Variants in FBRSL1 observed in about 807,000 individuals in gnomAD.
FBRSL1 encodes fibrosin-1-like protein.
FBRSL1 carries 51 observed loss-of-function variants against 89.6 expected under a neutral mutation model. That is an observed-to-expected ratio of 0.57 (90% confidence interval 0.45 to 0.72). The LOEUF (loss-of-function observed/expected upper bound fraction) is 0.72. Ranked by LOEUF, FBRSL1 falls within the 30% of genes least tolerant of loss-of-function variation. The pLI is 0.00. For missense variants in FBRSL1, 1,618 were observed against 1,451.8 expected (o/e 1.11, Z -1.86); for synonymous variants, 779 against 681.1 (o/e 1.14, Z -2.24).
intron 2 of FBRSL1, among the ~76,000 whole-genome samples, chr12:132,523,376 C>T (rs1474094955): frequency 3.3e-5 from 5 of 152,174 alleles, no homozygotes; most frequent in Non-Finnish European, 7.4e-5. Flanking sequence ...CCCCACCCCA[C>T]GACCGGCCTG....
At chr12:132,572,970 G>T (rs984834443) in intron 11 of FBRSL1, among the ~76,000 whole-genome samples, 1 of 152,168 alleles carries the variant, frequency 6.6e-6, no homozygotes, top group Non-Finnish European at 1.5e-5. Flanking sequence ...CCGCAAGGAG[G>T]TTCTTACGGG....
At chr12:132,535,137 T>C (rs550234757) in intron 4 of FBRSL1, among the ~76,000 whole-genome samples, 1 of 152,360 alleles carries the variant, frequency 6.6e-6, no homozygotes. Context: ...GGTTAGGAAT[T>C]AATGTTAACA....
At position 132,499,299 on chromosome 12, in the gene FBRSL1, G is replaced by A. The variant is rs1017292881; in HGVS notation, c.291+8438G>A. Among the ~76,000 whole-genome samples the A allele has an allele frequency of 2.2e-5, 3 of 139,032 alleles. No homozygotes were observed. The highest frequency in any genetic ancestry group is 7.7e-5 in the African/African-American group (3 of 38,730). 91.2% of individuals were successfully genotyped at this position (139,032 alleles called of 152,430 possible). A position where few individuals can be genotyped will look rare whatever the true frequency, so the allele number is the denominator to read the frequency against. ...GTGAGCCGCTGGCCAGCAGGGAAGG[G>A]CCAGCCAGGCAGGGGTGGTGCTGGG... On this transcript the variant is annotated intron_variant, in intron 1 of 18. Coordinates refer to ENST00000680143, the MANE Select transcript of FBRSL1 (RefSeq NM_001367871.1). This position sits in a 1 kb window ranked among gnomAD's most constrained non-coding sequence, Gnocchi z 4.3.
At chr12:132,514,979 CTT>C (rs1214085966) in intron 2 of FBRSL1, among the ~76,000 whole-genome samples, 1 of 152,118 alleles carries the variant, frequency 6.6e-6, no homozygotes, top group Non-Finnish European at 1.5e-5. Context: ...ATTTACAACA[CTT>C]GAGTTTAGAC....
Position 132,576,831 on chromosome 12 carries a change from G to T in FBRSL1, c.1734G>T (p.Val578=), listed in dbSNP as rs1275620027. ...AGCTGGACCCCCACAAGCTGGAGGT[G>T]GGTGCAAAGCTGGACCTGTTCGGCA... ...EMQLDPHKLE[V]GAKLDLFGRP... The change falls in exon 15 of 19, where the codon GTG becomes GTT. Residue 578 remains valine (V), a synonymous_variant. Transcript: ENST00000680143. The T allele has an allele frequency of 2.6e-6, 4 of 1,550,974 alleles. No homozygotes were observed. The East Asian group carries it at 9.8e-5, about 38-fold the overall frequency.
rs1022699994 is a variant in FBRSL1 at position 132,571,085 on chromosome 12, T to A, written c.1231T>A (p.Ser411Thr). The change falls in exon 9 of 19, where the codon TCA becomes ACA. Residue 411 changes from serine (S) to threonine (T), a missense_variant. Ser to Thr is a moderately conservative substitution (Grantham distance 58). Coordinates refer to ENST00000680143, the MANE Select transcript of FBRSL1 (RefSeq NM_001367871.1). ...GHPADASLAVSFSQPIMYCQP... is the reference protein window; with the variant it reads ...GHPADASLAVTFSQPIMYCQP... ...GCCTCTAGATGCCAGCCTGGCGGTC[T>A]CATTCAGCCAGCCAATCATGTATTG... 1.1e-5 allele frequency: 15 copies of A among 1,347,758 alleles called. No individual in the cohort carries two copies. Among genetic ancestry groups the A allele is most frequent in the Admixed American group, 6.4e-5 (2 of 31,470 alleles). 83.5% of individuals were successfully genotyped at this position (1,347,758 alleles called of 1,614,324 possible).
intron 5 of FBRSL1, chr12:132,560,015 C>A: frequency 6.7e-6 from 1 of 149,164 alleles, no homozygotes; most frequent in South Asian, 1.8e-4. Flanking sequence ...CGACGTCCGC[C>A]CGGGAGCCCA....
rs765872169 is a variant in FBRSL1 at position 132,546,697 on chromosome 12, GC to G, written c.616-1304del. ...ACAGACAGCCTGGGGGAGCCTGTCA[GC>G]CTCAGGAGACCCCCCCCACAGGCCC... On this transcript the variant is annotated intron_variant, in intron 4 of 18. Coordinates refer to ENST00000680143, the MANE Select transcript of FBRSL1 (RefSeq NM_001367871.1). The surrounding 1 kb of genome is among the most constrained non-coding windows in gnomAD (Gnocchi z 4.0). 3.3e-5 allele frequency among the ~76,000 whole-genome samples: 5 copies of G among 152,204 alleles called. No homozygotes were observed. The highest frequency in any genetic ancestry group is 4.8e-5 in the African/African-American group (2 of 41,448).
intron 2 of FBRSL1, among the ~76,000 whole-genome samples, chr12:132,518,989 C>CCATG (rs1422349349): frequency 6.6e-6 from 1 of 152,240 alleles, no homozygotes; most frequent in Non-Finnish European, 1.5e-5. Context: ...ATCCATCCAC[C>CCATG]CATGCATCCA....
rs866158083 is a variant in FBRSL1, at chr12:132,564,607, T to C, written c.646-2874T>C. Among the ~76,000 whole-genome samples the C allele has an allele frequency of 2.0e-3, 264 of 130,254 alleles. 6 individuals carry two copies. Among genetic ancestry groups the C allele is most frequent in the African/African-American group, 7.3e-3 (245 of 33,670 alleles). The allele number at this position is 130,254 out of a possible 152,430, so 85.5% of individuals were successfully genotyped here. On this transcript the variant is annotated intron_variant, in intron 5 of 18. Transcript: ENST00000680143. ...GCCTCCCGGGTTCACGCCATTCTCC[T>C]GCCTCAGCCTCCCGAGTAGCTGGGA...
At chr12:132,564,657 G>A (rs1399969911) in intron 5 of FBRSL1, among the ~76,000 whole-genome samples, 7 of 104,676 alleles carry the variant, frequency 6.7e-5, no homozygotes, top group Non-Finnish European at 1.3e-4. Flanking sequence ...CACCACGCCC[G>A]GCTAATTTTT....
intron 1 of FBRSL1, chr12:132,507,322 C>T (rs1001589750): frequency 3.0e-6 from 3 of 985,370 alleles, no homozygotes; most frequent in African/African-American, 1.7e-5. Flanking sequence ...CCTCTGGACC[C>T]TAAACTTGAC....
In FBRSL1 at chr12:132,582,135, G is replaced by T; in HGVS notation, c.2070G>T (p.Trp690Cys). The part of the protein sequence containing the change: ...VHGLPSPHEA[W>C]NRLHRAPPSF... ...GCCTGCCCAGCCCCCATGAGGCCTG[G>T]AACCGACTGCACCGGGCACCGCCCT... Residue 690 changes from tryptophan to cysteine, a missense_variant, in exon 18 of 19, where the codon TGG (tryptophan) becomes TGT (cysteine). By Grantham distance (215) the Trp-to-Cys change is radical. Coordinates refer to ENST00000680143, the MANE Select transcript of FBRSL1 (RefSeq NM_001367871.1). 6.5e-7 allele frequency: 1 copy of T among 1,549,992 alleles called. No homozygotes were observed. The highest frequency in any genetic ancestry group is 1.2e-5 in the South Asian group (1 of 84,034).
chr12:132,577,640 C>T lies in FBRSL1; in HGVS notation c.1834+709C>T, dbSNP rs567653072. On this transcript the variant is annotated intron_variant, in intron 15 of 18. Transcript: ENST00000680143. ...CACTCCCCCGAGTCACCCCCTCCCC[C>T]GGGTCACCCCTCCCCCAGCAACACA... 5.3e-5 allele frequency among the ~76,000 whole-genome samples: 8 copies of T among 152,240 alleles called. No homozygotes were observed. In the South Asian group the frequency reaches 6.2e-4, roughly 12 times the overall value.
chr12:132,545,667 G>A (rs774662849), intron 4 of FBRSL1, among the ~76,000 whole-genome samples: 26 of 152,326 alleles, frequency 1.7e-4, no homozygotes, highest in Non-Finnish European at 3.4e-4. Flanking sequence ...CATGGGTCTC[G>A]GGGCCAACCC....
chr12:132,514,888 A>G (rs1235579838), intron 2 of FBRSL1, among the ~76,000 whole-genome samples: 2 of 152,224 alleles, frequency 1.3e-5, no homozygotes, highest in African/African-American at 4.8e-5. Context: ...TAGTATTTCA[A>G]CAATGTAATC....
chr12:132,515,207 C>T (rs115200008), intron 2 of FBRSL1, among the ~76,000 whole-genome samples: 2,401 of 152,300 alleles, frequency 0.016, 75 homozygotes, highest in African/African-American at 0.054. Flanking sequence ...ATGCACCCCT[C>T]ACTTGGCACA....
At chr12:132,519,133 T>C (rs2035123522) in intron 2 of FBRSL1, among the ~76,000 whole-genome samples, 1 of 152,272 alleles carries the variant, frequency 6.6e-6, no homozygotes, top group Non-Finnish European at 1.5e-5. Flanking sequence ...AAACATTGCC[T>C]GAGTCCCTGT....
chr12:132,571,447 C>T, intron 9 of FBRSL1: 1 of 1,550,766 alleles, frequency 6.4e-7, no homozygotes, highest in Non-Finnish European at 8.7e-7. Flanking sequence ...CACGCACCAA[C>T]ACACACACCA....
Sources: allele counts gnomAD v4.1 joint callset (sites outside exome capture counted in the v4.1 genomes callset), GRCh38; gene constraint gnomAD v4.1.1; non-coding constraint Gnocchi (gnomAD v3.1); transcripts MANE v1.5; gene names NCBI Gene and HGNC (gene_info 2026-07-23, HGNC 2026-07-21).